SLC16A14: variants seen among roughly 807,000 people sequenced by gnomAD.
SLC16A14 encodes solute carrier family 16 member 14, also known as monocarboxylate transporter 14.
A neutral mutation model predicts 35.8 loss-of-function variants in SLC16A14; 14 were observed. The observed-to-expected ratio is 0.39, with a 90% CI of 0.26 to 0.61. SLC16A14 has a LOEUF of 0.61. Among genes scored for constraint, SLC16A14 ranks in the 20% least tolerant of loss-of-function variants. The probability of loss-of-function intolerance (pLI) is 0.51; values close to 1 mark genes in which losing one functional copy is unlikely to be tolerated. For missense variants in SLC16A14, 533 were observed against 655.0 expected (o/e 0.81, Z 2.03); for synonymous variants, 248 against 258.9 (o/e 0.96, Z 0.40).
chr2:230,040,685 A>C (rs933746842), intron 4 of SLC16A14, among the ~76,000 whole-genome samples: 4 of 152,332 alleles, frequency 2.6e-5, no homozygotes, highest in Middle Eastern at 3.4e-3. Context: ...AACATAGTGC[A>C]AATTGTAGGA....
At chr2:230,053,645 G>C (rs1015619649) in intron 2 of SLC16A14, among the ~76,000 whole-genome samples, 1 of 152,174 alleles carries the variant, frequency 6.6e-6, no homozygotes, top group Non-Finnish European at 1.5e-5. Context: ...GCCAGGTGTG[G>C]TGGCAGATGC....
At chr2:230,050,004 G>A (rs745808825) in intron 2 of SLC16A14, 100 bp from the exon 3 acceptor site, 171 of 1,377,910 alleles carry the variant, frequency 1.2e-4, no homozygotes, top group Non-Finnish European at 1.6e-4. Flanking sequence ...TGTCACTAGA[G>A]CTGTTAAATG....
At chr2:230,057,545 G>T (rs1427207557) in intron 2 of SLC16A14, among the ~76,000 whole-genome samples, 2 of 152,106 alleles carry the variant, frequency 1.3e-5, no homozygotes, top group Admixed American at 1.3e-4. Context: ...GAGGTGGTCA[G>T]ATCTCTTGAG....
Position 230,046,395 on chromosome 2 carries a change from C to A in SLC16A14, c.731G>T (p.Gly244Val). 3 of 1,614,222 alleles carry A rather than the reference C, an allele frequency of 1.9e-6. No homozygotes were observed. The highest frequency in any genetic ancestry group is 2.5e-6 in the Non-Finnish European group (3 of 1,180,048). The stretch of plus-strand genomic sequence containing the variant: ...CCCACCATCCTTCTCTTCTGTTCTT[C>A]CCTGCTGTCCAGTTGACTTCACAGA... ...TESVKSTGQQ[G>V]RTEEKDGGLG... The change falls in exon 4 of 5, where the codon GGA (glycine) becomes GTA (valine). Residue 244 changes from glycine to valine, a missense_variant. Transcript: ENST00000295190. The surrounding 1 kb of genome is among the most constrained non-coding windows in gnomAD (Gnocchi z 5.0).
In SLC16A14 at chr2:230,046,236, A is replaced by G. The variant is rs970690234; in HGVS notation, c.890T>C (p.Phe297Ser). 4 of 1,614,234 alleles carry G rather than the reference A, an allele frequency of 2.5e-6. No homozygotes were observed. Among genetic ancestry groups the G allele is most frequent in the Non-Finnish European group, 3.4e-6 (4 of 1,180,044 alleles). Residue 297 changes from phenylalanine to serine, a missense_variant, in exon 4 of 5, where the codon TTC becomes TCC. Transcript: ENST00000295190. The surrounding 1 kb of genome is among the most constrained non-coding windows in gnomAD (Gnocchi z 5.0). Reference protein sequence around the residue: ...SWLTMRVRKGFEDWYSGYFGT... With the variant: ...SWLTMRVRKGSEDWYSGYFGT... Reference sequence around the variant, plus strand: ...AAAGTAGCCCGAATACCAGTCCTCGAAGCCCTTCCTGACTCTCATGGTGAG... The same window carrying G: ...AAAGTAGCCCGAATACCAGTCCTCGGAGCCCTTCCTGACTCTCATGGTGAG...
chr2:230,041,187 C>T (rs1158222710), intron 4 of SLC16A14, among the ~76,000 whole-genome samples: 1 of 152,106 alleles, frequency 6.6e-6, no homozygotes, highest in Non-Finnish European at 1.5e-5. Context: ...TGGTGGAAAA[C>T]ATTGCAAATT....
chr2:230,038,259 T>A lies in SLC16A14; in HGVS notation c.1382-728A>T, dbSNP rs1410781191. 6.6e-6 allele frequency among the ~76,000 whole-genome samples: 1 copy of A among 152,208 alleles called. No homozygotes were observed. Among genetic ancestry groups the A allele is most frequent in the Non-Finnish European group, 1.5e-5 (1 of 68,036 alleles). ...GACATTCTGTAAAATACCACTATAT[T>A]TCATGAATTCTAAGACAATGATGTG... On this transcript the variant is annotated intron_variant, in intron 4 of 4. Transcript: ENST00000295190. The surrounding 1 kb of genome is among the most constrained non-coding windows in gnomAD (Gnocchi z 4.4).
intron 4 of SLC16A14, among the ~76,000 whole-genome samples, chr2:230,043,472 C>T (rs6727403): frequency 6.6e-6 from 1 of 152,126 alleles, no homozygotes; most frequent in Admixed American, 6.5e-5. Context: ...TTGTCCTGTA[C>T]CCATGGGATT....
intron 4 of SLC16A14, among the ~76,000 whole-genome samples, chr2:230,040,097 C>T (rs574363883): frequency 4.7e-4 from 71 of 152,268 alleles, no homozygotes; most frequent in African/African-American, 1.7e-3. Flanking sequence ...TAAATACTGT[C>T]ACCCTCAGAG....
chr2:230,059,463 G>T, intron 1 of SLC16A14, 97 bp from the exon 2 acceptor site: 1 of 871,546 alleles, frequency 1.1e-6, no homozygotes, highest in South Asian at 1.9e-5. Context: ...GGTCAAAGTG[G>T]CTCCAGTATC....
chr2:230,059,817 T>C (rs1192902699), intron 1 of SLC16A14, among the ~76,000 whole-genome samples: 1 of 152,128 alleles, frequency 6.6e-6, no homozygotes, highest in Admixed American at 6.5e-5. Flanking sequence ...CTTGGTGGGG[T>C]CCCTAGCAGA....
chr2:230,037,940 T>C (rs1449182442), intron 4 of SLC16A14, among the ~76,000 whole-genome samples: 1 of 152,218 alleles, frequency 6.6e-6, no homozygotes, highest in African/African-American at 2.4e-5. Context: ...CGCATTTTTC[T>C]AAAACCTACA....
rs956521227 is a variant in SLC16A14, at chr2:230,038,562, A to G, written c.1382-1031T>C. On this transcript the variant is annotated intron_variant, in intron 4 of 4. Transcript: ENST00000295190. The surrounding 1 kb of genome is among the most constrained non-coding windows in gnomAD (Gnocchi z 4.4). Reference sequence around the variant, plus strand: ...GTAAAAATGTAAATTTTGAACATTCATTTTTTTCCCTTTTAGTAAGTACAT... The same window carrying G: ...GTAAAAATGTAAATTTTGAACATTCGTTTTTTTCCCTTTTAGTAAGTACAT... Among the ~76,000 whole-genome samples, 10 of 152,104 alleles carry G rather than the reference A, an allele frequency of 6.6e-5. No individual in the cohort carries two copies. Among genetic ancestry groups the G allele is most frequent in the Admixed American group, 2.0e-4 (3 of 15,248 alleles).
intron 3 of SLC16A14, among the ~76,000 whole-genome samples, chr2:230,049,279 C>A (rs927475952): frequency 4.0e-5 from 6 of 150,662 alleles, no homozygotes; most frequent in African/African-American, 1.2e-4. Context: ...GGGGTTTCAC[C>A]ATGTTGGCCA....
intron 2 of SLC16A14, among the ~76,000 whole-genome samples, chr2:230,050,171 G>A (rs1035957409): frequency 2.0e-5 from 3 of 152,192 alleles, no homozygotes; most frequent in Admixed American, 6.5e-5. Flanking sequence ...AAAACCAGTG[G>A]TCTAGGAGCT....
At chr2:230,062,223 G>A (rs1457336897) in intron 1 of SLC16A14, among the ~76,000 whole-genome samples, 1 of 152,096 alleles carries the variant, frequency 6.6e-6, no homozygotes, top group South Asian at 2.1e-4. Context: ...TCGAATTGTA[G>A]AGCTTTTCTC....
intron 2 of SLC16A14, among the ~76,000 whole-genome samples, chr2:230,057,962 G>A (rs1266339999): frequency 6.6e-6 from 1 of 152,032 alleles, no homozygotes; most frequent in African/African-American, 2.4e-5. Flanking sequence ...CTGGATGGCC[G>A]AGGTTGCAGT....
At chr2:230,057,108 G>A (rs917529550) in intron 2 of SLC16A14, among the ~76,000 whole-genome samples, 25 of 151,988 alleles carry the variant, frequency 1.6e-4, no homozygotes, top group Non-Finnish European at 3.1e-4. Context: ...CAGACAATTA[G>A]ATATAAATAT....
Position 230,046,864 on chromosome 2 carries a change from T to C in SLC16A14, c.404-142A>G, listed in dbSNP as rs542557229. ...TCTAACAAAGCAATAACACTGATTA[T>C]TTAAAAAGCAGCTCCCAGGGATAAG... On this transcript the variant is annotated intron_variant, in intron 3 of 4. Transcript: ENST00000295190. This position sits in a 1 kb window ranked among gnomAD's most constrained non-coding sequence, Gnocchi z 5.0. 1.1e-5 allele frequency: 12 copies of C among 1,049,646 alleles called. No homozygotes were observed. In the South Asian group the frequency reaches 2.2e-4, roughly 19 times the overall value. 65.0% of individuals were successfully genotyped at this position (1,049,646 alleles called of 1,614,324 possible).
Sources: allele counts gnomAD v4.1 joint callset (sites outside exome capture counted in the v4.1 genomes callset), GRCh38; gene constraint gnomAD v4.1.1; non-coding constraint Gnocchi (gnomAD v3.1); transcripts MANE v1.5; gene names NCBI Gene and HGNC (gene_info 2026-07-23, HGNC 2026-07-21).